The following ADGRG4 variants were observed in gnomAD, a reference collection of about 807,000 sequenced individuals.
ADGRG4 encodes adhesion G protein-coupled receptor G4, also known as G protein-coupled receptor 112.
A neutral mutation model predicts 126.2 loss-of-function variants in ADGRG4; 122 were observed. The observed-to-expected ratio is 0.97, with a 90% CI of 0.83 to 1.12. The LOEUF is 1.12. ADGRG4 is among the 50% of genes most tolerant of loss of function. The pLI is 0.00. For synonymous variants in ADGRG4, 943 were observed against 838.7 expected, an observed-to-expected ratio of 1.12 and a Z score of -2.15; for missense variants, 2,481 against 2,251.8, an observed-to-expected ratio of 1.10 and a Z score of -2.06.
In ADGRG4 at chrX:136,349,756, G is replaced by T. The variant is rs2148469260; in HGVS notation, c.6050G>T (p.Gly2017Val). Residue 2017 changes from glycine to valine, a missense_variant, in exon 6 of 26, where the codon GGC becomes GTC. By Grantham distance (109) the Gly-to-Val change is moderately radical. Coordinates refer to ENST00000394143, the MANE Select transcript of ADGRG4 (RefSeq NM_153834.4). ...TGGCTCTTATCTAGTCTCCCTTCTG[G>T]CTCCCCTCCGGCAACTGTATCTAAT... ...LTWLLSSLPS[G>V]SPPATVSNAP... 8.3e-7 allele frequency: 1 copy of T among 1,208,741 alleles called. No individual in the cohort carries two copies. The highest frequency in any genetic ancestry group is 1.1e-6 in the Non-Finnish European group (1 of 893,893).
intron 11 of ADGRG4, among the ~76,000 whole-genome samples, chrX:136,360,287 A>G (rs2075119732): frequency 8.9e-6 from 1 of 111,732 alleles, no homozygotes; most frequent in African/African-American, 3.3e-5. Context: ...ACCTGAGGGA[A>G]ATATTTCCAG....
At chrX:136,351,256 G>A (rs1053985990) in intron 6 of ADGRG4, among the ~76,000 whole-genome samples, 191 bp from the exon 7 acceptor site, 3 of 111,305 alleles carry the variant, frequency 2.7e-5, no homozygotes, top group East Asian at 2.8e-4. Flanking sequence ...GGATGGTAAC[G>A]TCCTGTTCTG....
At chrX:136,331,909 C>T (rs1362961861) in intron 5 of ADGRG4, among the ~76,000 whole-genome samples, 4 of 107,418 alleles carry the variant, frequency 3.7e-5, no homozygotes, top group African/African-American at 1.4e-4. Context: ...CTCCGCCTCC[C>T]GGGGTCACAC....
chrX:136,307,348 A>G (rs1360974668), intron 3 of ADGRG4, among the ~76,000 whole-genome samples: 1 of 112,449 alleles, frequency 8.9e-6, no homozygotes, highest in Non-Finnish European at 1.9e-5. Flanking sequence ...AGGAACAAAA[A>G]TATGTATGGC....
In ADGRG4 at chrX:136,345,224, A is replaced by G; in HGVS notation, c.1518A>G (p.Ser506=). The G allele has an allele frequency of 8.3e-7, 1 of 1,210,895 alleles. No individual in the cohort carries two copies. Among genetic ancestry groups the G allele is most frequent in the Non-Finnish European group, 1.1e-6 (1 of 894,871 alleles). The stretch of plus-strand genomic sequence containing the variant: ...TGAAAATAGCATTTACAGTCCATTC[A>G]TTGACTCTCCCAACTAGGCTTATTG... ...TDMKIAFTVH[S]LTLPTRLIET... Residue 506 remains serine (S), a synonymous_variant, in exon 6 of 26, where the codon TCA becomes TCG. Coordinates refer to ENST00000394143, the MANE Select transcript of ADGRG4 (RefSeq NM_153834.4).
Position 136,350,417 on chromosome X carries a change from T to C in ADGRG4, c.6711T>C (p.Thr2237=). 1 of 1,205,266 alleles carries C rather than the reference T, an allele frequency of 8.3e-7. No homozygotes were observed. Among genetic ancestry groups the C allele is most frequent in the Non-Finnish European group, 1.1e-6 (1 of 892,383 alleles). Residue 2237 remains threonine (T), a synonymous_variant, in exon 6 of 26, where the codon ACT becomes ACC. Coordinates refer to ENST00000394143, the MANE Select transcript of ADGRG4 (RefSeq NM_153834.4). Reference sequence around the variant, plus strand: ...CTACGGAAGCATCGACTTCGCCTACTGCCACCAAGTCCACAGGTACTGCTC... The same window carrying C: ...CTACGGAAGCATCGACTTCGCCTACCGCCACCAAGTCCACAGGTACTGCTC... ...FLSTEASTSP[T]ATKSTVSFYN...
intron 5 of ADGRG4, among the ~76,000 whole-genome samples, chrX:136,333,476 T>C (rs1324636444): frequency 1.8e-5 from 2 of 111,453 alleles, no homozygotes. Context: ...TTCCTTCTAG[T>C]CTGTAGATTT....
chrX:136,378,644 T>G (rs2075242216), intron 15 of ADGRG4, among the ~76,000 whole-genome samples: 2 of 111,740 alleles, frequency 1.8e-5, no homozygotes, highest in Admixed American at 1.9e-4. Context: ...TAAAAGATGT[T>G]CTTTATTTGA....
rs781190960 is a variant in ADGRG4 at position 136,345,899 on chromosome X, GA to G, written c.2194del (p.Thr732HisfsTer10). ...ARYTTAVSKL[T>X]SPWFANFSIV... The stretch of plus-strand genomic sequence containing the variant: ...GATATACAACAGCTGTATCCAAATT[GA>G]CATCACCATGGTTTGCTAATTTCTC... On this transcript the variant is annotated frameshift_variant, in exon 6 of 26. Transcript: ENST00000394143. LOFTEE classifies it high-confidence loss of function. 2 of 1,209,684 alleles carry G rather than the reference GA, an allele frequency of 1.7e-6. No individual in the cohort carries two copies. Among genetic ancestry groups the G allele is most frequent in the Non-Finnish European group, 2.2e-6 (2 of 893,819 alleles).
chrX:136,404,249 C>T (rs186055123), intron 22 of ADGRG4, among the ~76,000 whole-genome samples: 73 of 110,268 alleles, frequency 6.6e-4, no homozygotes, highest in African/African-American at 2.2e-3. Context: ...TCTCATCTCC[C>T]CCTCCATCCT....
chrX:136,343,130 G>A (rs746663280), intron 5 of ADGRG4, among the ~76,000 whole-genome samples: 3 of 109,855 alleles, frequency 2.7e-5, no homozygotes, highest in Non-Finnish European at 5.7e-5. Flanking sequence ...AGATATTTAG[G>A]AGCTACGATC....
intron 12 of ADGRG4, among the ~76,000 whole-genome samples, chrX:136,363,036 T>C (rs1223322629): frequency 1.8e-5 from 2 of 111,161 alleles, no homozygotes; most frequent in Non-Finnish European, 3.8e-5. Context: ...GGAGGGTGGA[T>C]GATGAGGGCC....
chrX:136,376,410 A>AT (rs763735002), intron 15 of ADGRG4, among the ~76,000 whole-genome samples: 2,180 of 111,120 alleles, frequency 0.02, 24 homozygotes, highest in Non-Finnish European at 0.032. Flanking sequence ...GAATTTTAGA[A>AT]TTTTTTTCTA....
At position 136,327,464 on chromosome X, in the gene ADGRG4, A is replaced by AAATAAAAATAATAATAAT. The variant is rs1556003344; in HGVS notation, c.685+4077_685+4078insAAATAATAATAATAATAA. 3.1e-5 allele frequency among the ~76,000 whole-genome samples: 3 copies of AAATAAAAATAATAATAAT among 97,522 alleles called. No homozygotes were observed. In the South Asian group the frequency reaches 1.5e-3, roughly 49 times the overall value. The allele number at this position is 97,522 out of a possible 115,157, so 84.7% of individuals were successfully genotyped here. On this transcript the variant is annotated intron_variant, in intron 5 of 25. Coordinates refer to ENST00000394143, the MANE Select transcript of ADGRG4 (RefSeq NM_153834.4). Reference sequence around the variant, plus strand: ...AATAAAAAGGACAGAGTGGGAAATAAAATAATAATAATAATAATAATAATA... The same window carrying AAATAAAAATAATAATAAT: ...AATAAAAAGGACAGAGTGGGAAATAAAATAAAAATAATAATAATAATAATAATAATAATAATAATAATA...
chrX:136,370,019 C>T (rs2075183403), intron 13 of ADGRG4, among the ~76,000 whole-genome samples: 1 of 111,389 alleles, frequency 9.0e-6, no homozygotes, highest in Non-Finnish European at 1.9e-5. Flanking sequence ...AAAAAGTAGC[C>T]TGTGTAGGCT....
At position 136,325,386 on chromosome X, in the gene ADGRG4, C is replaced by T. The variant is rs149511948; in HGVS notation, c.685+1994C>T. 1.4e-3 allele frequency among the ~76,000 whole-genome samples: 158 copies of T among 111,991 alleles called. 1 individual carries two copies. The East Asian group carries it at 0.035, about 24-fold the overall frequency. On this transcript the variant is annotated intron_variant, in intron 5 of 25. Coordinates refer to ENST00000394143, the MANE Select transcript of ADGRG4 (RefSeq NM_153834.4). ...GCAGGAAAGCTATTCCTTTGTGCTA[C>T]CACCCAAAGATATTTGTTTTTTCTC...
chrX:136,392,020 G>A (rs1187236020), intron 16 of ADGRG4, among the ~76,000 whole-genome samples: 1 of 112,316 alleles, frequency 8.9e-6, no homozygotes, highest in Non-Finnish European at 1.9e-5. Context: ...TGGATGGATG[G>A]ATGGATTAAT....
intron 4 of ADGRG4, among the ~76,000 whole-genome samples, chrX:136,322,556 G>C (rs1227404581): frequency 9.0e-6 from 1 of 111,175 alleles, no homozygotes; most frequent in African/African-American, 3.3e-5. Flanking sequence ...ATTAGTCCAG[G>C]CAAAATATAA....
chrX:136,371,585 A>C lies in ADGRG4; in HGVS notation c.7613+41A>C, dbSNP rs746325370. On this transcript the variant is annotated intron_variant, in intron 14 of 25. Transcript: ENST00000394143. Reference sequence around the variant, plus strand: ...TTGGTGAAAGACATTATTTTTAAAAAATTTAAAATGCAGACGGCCCTCTGT... The same window carrying C: ...TTGGTGAAAGACATTATTTTTAAAACATTTAAAATGCAGACGGCCCTCTGT... 5 of 842,240 alleles carry C rather than the reference A, an allele frequency of 5.9e-6. No homozygotes were observed. In the African/African-American group the frequency reaches 6.2e-5, roughly 10 times the overall value. The allele number at this position is 842,240 out of a possible 1,213,427, so 69.4% of individuals were successfully genotyped here.
Sources: gnomAD v4.1 joint callset for allele counts (sites outside exome capture counted in the v4.1 genomes callset) on GRCh38, gnomAD v4.1.1 for gene constraint, MANE v1.5 for transcripts, NCBI Gene and HGNC (gene_info 2026-07-23, HGNC 2026-07-21) for gene names.